The following STRN variants were observed in gnomAD, a reference collection of about 807,000 sequenced individuals.
STRN encodes striatin, also known as protein phosphatase 2 regulatory subunit B'''alpha.
A neutral mutation model predicts 96.3 loss-of-function variants in STRN; 53 were observed. The ratio of observed to expected loss-of-function variants is 0.55; its 90% CI spans 0.44 to 0.69. The LOEUF is 0.69. STRN is among the 30% of genes least tolerant of loss of function. The probability of loss-of-function intolerance (pLI) is 0.00; values close to 1 mark genes in which losing one functional copy is unlikely to be tolerated. For synonymous variants in STRN, 428 were observed against 355.9 expected (o/e 1.20, Z -2.28); for missense variants, 987 against 963.9 (o/e 1.02, Z -0.32).
intron 2 of STRN, among the ~76,000 whole-genome samples, chr2:36,919,638 T>C (rs1024759849): frequency 2.0e-5 from 3 of 152,192 alleles, no homozygotes; most frequent in African/African-American, 7.2e-5. Context: ...TAAACACGGA[T>C]ATAACAGAAT....
At chr2:36,864,867 C>G (rs922840078) in intron 12 of STRN, among the ~76,000 whole-genome samples, 1 of 152,154 alleles carries the variant, frequency 6.6e-6, no homozygotes, top group Non-Finnish European at 1.5e-5. Flanking sequence ...CACCTGCCAC[C>G]ACGCCCAGCT....
Position 36,842,920 on chromosome 2 carries a change from T to C in STRN, c.*6536A>G, listed in dbSNP as rs10209892. On this transcript the variant is annotated 3_prime_UTR_variant, in exon 18 of 18. Transcript: ENST00000263918. ...TAAAAGGTATGCTTGACTCCCAAGG[T>C]GTTCTGGGAATATTTTATGTGCCAG... 0.03 allele frequency among the ~76,000 whole-genome samples: 4,574 copies of C among 152,128 alleles called. 113 individuals are homozygous for C. The highest frequency in any genetic ancestry group is 0.072 in the African/African-American group (3,005 of 41,486).
At chr2:36,897,183 A>C (rs923166839) in intron 6 of STRN, among the ~76,000 whole-genome samples, 1 of 152,002 alleles carries the variant, frequency 6.6e-6, no homozygotes, top group Non-Finnish European at 1.5e-5. Flanking sequence ...AAAAAAGAAA[A>C]ATAAAATAAA....
At chr2:36,869,759 C>T in intron 10 of STRN, 30 bp from the exon 11 acceptor site, 1 of 1,525,756 alleles carries the variant, frequency 6.6e-7, no homozygotes, top group Non-Finnish European at 8.8e-7. Context: ...AAGATATCTA[C>T]ACACTTAGTT....
At chr2:36,930,168 A>G (rs1670533983) in intron 1 of STRN, among the ~76,000 whole-genome samples, 2 of 152,168 alleles carry the variant, frequency 1.3e-5, no homozygotes, top group African/African-American at 2.4e-5. Flanking sequence ...GCGGTGGTTC[A>G]TGCCTGTAAT....
intron 1 of STRN, among the ~76,000 whole-genome samples, chr2:36,944,379 A>G (rs1376502359): frequency 6.6e-6 from 1 of 152,220 alleles, no homozygotes; most frequent in Non-Finnish European, 1.5e-5. Context: ...AGTTTTCAGG[A>G]TATTTGGTAA....
intron 2 of STRN, among the ~76,000 whole-genome samples, chr2:36,917,606 A>T (rs1670142194): frequency 6.6e-6 from 1 of 151,990 alleles, no homozygotes; most frequent in Non-Finnish European, 1.5e-5. Flanking sequence ...AAATGTGTAA[A>T]ATACTGAAAT....
At chr2:36,959,739 T>C (rs1481761797) in intron 1 of STRN, among the ~76,000 whole-genome samples, 3 of 152,200 alleles carry the variant, frequency 2.0e-5, no homozygotes, top group Non-Finnish European at 1.5e-5. Context: ...AATAAAAGTG[T>C]TGAAATCACC....
At position 36,848,603 on chromosome 2, in the gene STRN, A is replaced by AT. The variant is rs1407061195; in HGVS notation, c.*852dup. On this transcript the variant is annotated 3_prime_UTR_variant, in exon 18 of 18. Coordinates refer to ENST00000263918, the MANE Select transcript of STRN (RefSeq NM_003162.4). ...CTCTGGTACTATAAATGTCACATGA[A>AT]TAAAGTGAATTTTAAAATAGAAATT... 3.9e-5 allele frequency: 6 copies of AT among 152,238 alleles called. No individual in the cohort carries two copies. The highest frequency in any genetic ancestry group is 2.4e-5 in the African/African-American group (1 of 41,460). The allele number at this position is 152,238 out of a possible 1,614,324, so 9.4% of individuals were successfully genotyped here.
At chr2:36,853,719 G>C (rs1668275644) in intron 15 of STRN, among the ~76,000 whole-genome samples, 1 of 152,132 alleles carries the variant, frequency 6.6e-6, no homozygotes, top group African/African-American at 2.4e-5. Context: ...TCTCCTTGAA[G>C]CTTGTTTGGT....
chr2:36,911,489 T>C (rs1669964559), intron 3 of STRN, among the ~76,000 whole-genome samples: 2 of 152,180 alleles, frequency 1.3e-5, no homozygotes, highest in Non-Finnish European at 2.9e-5. Flanking sequence ...ACACATCCAT[T>C]CATTTATGTA....
chr2:36,888,669 G>GCA (rs1669307908), intron 7 of STRN, among the ~76,000 whole-genome samples: 1 of 139,186 alleles, frequency 7.2e-6, no homozygotes, highest in Non-Finnish European at 1.6e-5. Flanking sequence ...GTGTGTGTGT[G>GCA]TGCATTTATT....
intron 9 of STRN, among the ~76,000 whole-genome samples, chr2:36,883,061 A>G (rs1043751313): frequency 5.3e-5 from 8 of 152,238 alleles, no homozygotes; most frequent in Admixed American, 6.5e-5. Context: ...CATTATGAAA[A>G]TCATTTGTAT....
intron 3 of STRN, among the ~76,000 whole-genome samples, chr2:36,906,492 A>AATGAATGAATGG (rs1553399748): frequency 6.6e-6 from 1 of 152,136 alleles, no homozygotes; most frequent in Admixed American, 6.5e-5. Context: ...TGAATGAATG[A>AATGAATGAATGG]GTAACAAATA....
At chr2:36,941,906 GT>G (rs1670854750) in intron 1 of STRN, among the ~76,000 whole-genome samples, 1 of 151,750 alleles carries the variant, frequency 6.6e-6, no homozygotes, top group Non-Finnish European at 1.5e-5. Context: ...CTTCAAGTTG[GT>G]TTACCACAAC....
At chr2:36,950,827 T>C (rs935050782) in intron 1 of STRN, among the ~76,000 whole-genome samples, 1 of 152,198 alleles carries the variant, frequency 6.6e-6, no homozygotes, top group Non-Finnish European at 1.5e-5. Flanking sequence ...TGGCTAGCTA[T>C]AAGCATCTGA....
At chr2:36,941,535 C>T (rs1295143226) in intron 1 of STRN, among the ~76,000 whole-genome samples, 3 of 151,664 alleles carry the variant, frequency 2.0e-5, no homozygotes, top group Non-Finnish European at 2.9e-5. Context: ...AATTTTATAA[C>T]TTATTTTCTT....
chr2:36,857,663 A>C (rs546836933), intron 14 of STRN, among the ~76,000 whole-genome samples, 193 bp downstream of exon 14: 31 of 152,090 alleles, frequency 2.0e-4, no homozygotes, highest in East Asian at 5.8e-4. Context: ...CCGTCTCAAA[A>C]AAAACAAAAC....
chr2:36,963,143 T>C (rs896297988), intron 1 of STRN, among the ~76,000 whole-genome samples: 3 of 152,066 alleles, frequency 2.0e-5, no homozygotes, highest in Non-Finnish European at 4.4e-5. Flanking sequence ...GACAAATAAA[T>C]AGGTTTTTGC....
Sources: gnomAD v4.1 joint callset for allele counts (sites outside exome capture counted in the v4.1 genomes callset) on GRCh38, gnomAD v4.1.1 for gene constraint, MANE v1.5 for transcripts, NCBI Gene and HGNC (gene_info 2026-07-23, HGNC 2026-07-21) for gene names.